Variants in CIAO2A observed in about 807,000 individuals in gnomAD.
CIAO2A encodes the protein cytosolic iron-sulfur assembly component 2A.
CIAO2A carries 17 observed loss-of-function variants against 22.4 expected under a neutral mutation model. That is an observed-to-expected ratio of 0.76 (90% CI 0.52 to 1.14). The LOEUF is 1.14. CIAO2A is among the 50% of genes most tolerant of loss of function. The pLI is 0.00. For synonymous variants in CIAO2A, 74 were observed against 72.3 expected (o/e 1.02, Z -0.12); for missense variants, 192 against 191.4 (o/e 1.00, Z -0.02).
intron 3 of CIAO2A, among the ~76,000 whole-genome samples, chr15:64,077,250 A>C (rs559402969): frequency 6.6e-6 from 1 of 152,312 alleles, no homozygotes; most frequent in East Asian, 1.9e-4. Context: ...GTGAGCTGAG[A>C]CTGCGCCACT....
intron 4 of CIAO2A, chr15:64,075,219 A>C (rs1595950931): frequency 3.8e-6 from 1 of 264,716 alleles, no homozygotes; most frequent in Non-Finnish European, 7.1e-6. Flanking sequence ...AGAGCTCATA[A>C]GTCAAGGTCC....
In CIAO2A at chr15:64,093,755, G is replaced by A. The variant is rs1200894779; in HGVS notation, c.14C>T (p.Ser5Phe). The A allele has an allele frequency of 1.2e-6, 2 of 1,611,524 alleles. No individual in the cohort carries two copies. The highest frequency in any genetic ancestry group is 2.2e-5 in the East Asian group (1 of 44,824). ...GCTCAGCGTCCAGGAGAGCAGCCCG[G>A]ACACCCGCTGCATCTTCACGCTCAG... MQRV[S>F]GLLSWTLSRV... The change falls in exon 1 of 5, where the codon TCC becomes TTC. Residue 5 changes from serine to phenylalanine, a missense_variant. Ser to Phe is a radical substitution (Grantham distance 155). Transcript: ENST00000300030.
At chr15:64,086,584 G>T (rs536275659) in intron 2 of CIAO2A, among the ~76,000 whole-genome samples, 11 of 150,650 alleles carry the variant, frequency 7.3e-5, no homozygotes, top group African/African-American at 2.7e-4. Flanking sequence ...CATGCATTCA[G>T]CATTCAGTAA....
intron 2 of CIAO2A, among the ~76,000 whole-genome samples, chr15:64,082,904 C>T (rs2080767629): frequency 6.6e-6 from 1 of 152,134 alleles, no homozygotes; most frequent in East Asian, 1.9e-4. Flanking sequence ...ATCTGCAAAA[C>T]AGGCATTATA....
intron 2 of CIAO2A, among the ~76,000 whole-genome samples, chr15:64,083,431 C>T (rs1416755525): frequency 6.6e-6 from 1 of 152,088 alleles, no homozygotes; most frequent in East Asian, 1.9e-4. Flanking sequence ...AACTTGTTTC[C>T]CTGCCTTACC....
intron 1 of CIAO2A, among the ~76,000 whole-genome samples, chr15:64,090,978 G>A (rs1313946131): frequency 6.6e-6 from 1 of 152,140 alleles, no homozygotes; most frequent in Admixed American, 6.5e-5. Context: ...TGGAGAAAGA[G>A]ATGAAGGAAA....
rs546007300 is a variant in CIAO2A, at chr15:64,081,983, T to C, written c.290-832A>G. ...TGCAAGGTACAAATACAGTAACTTC[T>C]TTAAAACAAGTTCCACTGAAGTTCA... On this transcript the variant is annotated intron_variant, in intron 2 of 4. Coordinates refer to ENST00000300030, the MANE Select transcript of CIAO2A (RefSeq NM_032231.7). Among the ~76,000 whole-genome samples the C allele has an allele frequency of 1.2e-3, 183 of 152,334 alleles. 1 individual carries two copies. The highest frequency in any genetic ancestry group is 1.9e-3 in the South Asian group (9 of 4,830).
intron 4 of CIAO2A, 90 bp downstream of exon 4, chr15:64,075,402 C>A: frequency 1.3e-6 from 1 of 786,512 alleles, no homozygotes; most frequent in East Asian, 3.0e-5. Flanking sequence ...GAAAGTAACC[C>A]AGTAGATTCT....
At chr15:64,075,691 C>T (rs1313805708) in intron 3 of CIAO2A, among the ~76,000 whole-genome samples, 154 bp from the exon 4 acceptor site, 8 of 149,706 alleles carry the variant, frequency 5.3e-5, no homozygotes, top group Non-Finnish European at 1.0e-4. Context: ...CACCCTGTTG[C>T]CCAGGCTGGA....
chr15:64,091,650 A>G (rs936024768), intron 1 of CIAO2A, among the ~76,000 whole-genome samples: 3 of 152,238 alleles, frequency 2.0e-5, no homozygotes, highest in Non-Finnish European at 2.9e-5. Context: ...CATAAGGCTC[A>G]TTTAATTGTA....
chr15:64,093,807 GC>G lies in CIAO2A; in HGVS notation c.-40del, dbSNP rs571282024. 6.3e-7 allele frequency: 1 copy of G among 1,596,774 alleles called. No homozygotes were observed. ...CATCCCTGGCGACTGTCCCAATCGC[GC>G]CACCGTCTCTCAGCAGCCTCGGGAT... is the stretch of plus-strand genomic sequence containing the variant. On this transcript the variant is annotated 5_prime_UTR_variant, in exon 1 of 5. Transcript: ENST00000300030.
At chr15:64,089,617 GAC>G (rs2080823945) in intron 1 of CIAO2A, among the ~76,000 whole-genome samples, 1 of 152,160 alleles carries the variant, frequency 6.6e-6, no homozygotes, top group Admixed American at 6.5e-5. Context: ...ATTTGGGTCT[GAC>G]CATCAAGTGT....
chr15:64,080,984 G>C, intron 3 of CIAO2A, 118 bp downstream of exon 3: 1 of 937,704 alleles, frequency 1.1e-6, no homozygotes, highest in Non-Finnish European at 1.6e-6. Flanking sequence ...CTGAGTAACA[G>C]ACAAGCAAAA....
At chr15:64,085,288 A>C (rs892645941) in intron 2 of CIAO2A, among the ~76,000 whole-genome samples, 1 of 152,010 alleles carries the variant, frequency 6.6e-6, no homozygotes, top group Non-Finnish European at 1.5e-5. Context: ...TAATCCCAGC[A>C]CTTGGGGAGG....
At chr15:64,074,736 T>G (rs770099636) in intron 4 of CIAO2A, 2 of 152,194 alleles carry the variant, frequency 1.3e-5, no homozygotes, top group Non-Finnish European at 2.9e-5. Context: ...TGTGTGTCTC[T>G]CTCCAGCCCT....
intron 3 of CIAO2A, among the ~76,000 whole-genome samples, chr15:64,079,246 G>T (rs558633529): frequency 1.3e-5 from 2 of 152,198 alleles, no homozygotes; most frequent in Admixed American, 1.3e-4. Flanking sequence ...GCCTTAAAAC[G>T]TGGGTAGGAT....
At chr15:64,073,228 C>G (rs1187694433) in intron 4 of CIAO2A, among the ~76,000 whole-genome samples, 200 bp from the exon 5 acceptor site, 1 of 152,164 alleles carries the variant, frequency 6.6e-6, no homozygotes, top group Non-Finnish European at 1.5e-5. Flanking sequence ...TACTACTTAA[C>G]CACATCTATT....
At chr15:64,088,316 C>A (rs72755069) in intron 2 of CIAO2A, among the ~76,000 whole-genome samples, 6,879 of 152,210 alleles carry the variant, frequency 0.045, 195 homozygotes, top group South Asian at 0.084. Flanking sequence ...CCCACATGCA[C>A]TCTCCATTAA....
intron 3 of CIAO2A, among the ~76,000 whole-genome samples, chr15:64,076,071 A>G (rs774515506): frequency 4.6e-5 from 7 of 152,108 alleles, no homozygotes; most frequent in Non-Finnish European, 8.8e-5. Context: ...TCACCTGGAA[A>G]AGGCCTGCAG....
Sources: gnomAD v4.1 joint callset for allele counts (sites outside exome capture counted in the v4.1 genomes callset) on GRCh38, gnomAD v4.1.1 for gene constraint, MANE v1.5 for transcripts, NCBI Gene and HGNC (gene_info 2026-07-23, HGNC 2026-07-21) for gene names.